The following NUP210L variants were observed in gnomAD, a reference collection of about 807,000 sequenced individuals.
NUP210L encodes nucleoporin 210 like.
A neutral mutation model predicts 208.5 loss-of-function variants in NUP210L; 74 were observed. That is an observed-to-expected ratio of 0.35 (90% CI 0.29 to 0.43). The LOEUF is 0.43. NUP210L is among the 20% of genes least tolerant of loss of function. NUP210L has a pLI of 1.00. For missense variants in NUP210L, 1,843 were observed against 2,289.4 expected (o/e 0.81, Z 3.98); for synonymous variants, 780 against 816.9 (o/e 0.95, Z 0.77).
intron 6 of NUP210L, among the ~76,000 whole-genome samples, chr1:154,136,823 G>A (rs903544648): frequency 5.5e-5 from 8 of 146,446 alleles, no homozygotes; most frequent in South Asian, 4.4e-4. Flanking sequence ...GGGAGGCTGC[G>A]GCAGGAGAAT....
Position 154,025,527 on chromosome 1 carries a change from A to AG in NUP210L, c.4122+14dup. The AG allele has an allele frequency of 6.9e-7, 1 of 1,450,968 alleles. No homozygotes were observed. Among genetic ancestry groups the AG allele is most frequent in the Non-Finnish European group, 9.2e-7 (1 of 1,087,990 alleles). The allele number at this position is 1,450,968 out of a possible 1,614,324, so 89.9% of individuals were successfully genotyped here. ...TTTTATTTATTTGTTTTTTTTAGTA[A>AG]GTCCATGAACTCACCTGGACCCCAG... On this transcript the variant is annotated intron_variant, in intron 30 of 39. Transcript: ENST00000368559.
chr1:154,009,944 G>C (rs200886874), intron 35 of NUP210L, 28 bp downstream of exon 35: 21 of 1,569,636 alleles, frequency 1.3e-5, no homozygotes, highest in African/African-American at 2.7e-5. Flanking sequence ...ACAGAATGGG[G>C]AAACCAGATT....
At chr1:154,002,377 G>C (rs983983733) in intron 35 of NUP210L, among the ~76,000 whole-genome samples, 5 of 152,008 alleles carry the variant, frequency 3.3e-5, no homozygotes, top group African/African-American at 1.2e-4. Context: ...ACTGTGCCTG[G>C]CTAATTTTTG....
chr1:154,036,518 C>T (rs1415433357), intron 27 of NUP210L, among the ~76,000 whole-genome samples: 1 of 149,422 alleles, frequency 6.7e-6, no homozygotes, highest in Admixed American at 6.8e-5. Context: ...GTGCCCACCA[C>T]CGTGCCCAGC....
At chr1:154,107,473 C>CA (rs60482405) in intron 12 of NUP210L, among the ~76,000 whole-genome samples, 33,113 of 94,896 alleles carry the variant, frequency 0.35, 4,276 homozygotes, top group Admixed American at 0.46. Flanking sequence ...GACTCCGTCT[C>CA]AAAAAAAAAA....
chr1:154,129,250 C>T (rs1356482983), intron 8 of NUP210L, 27 bp downstream of exon 8: 3 of 1,428,692 alleles, frequency 2.1e-6, no homozygotes, highest in Admixed American at 3.7e-5. Flanking sequence ...AGCTATCCAC[C>T]TTTCTGAAAA....
chr1:154,149,659 T>C (rs1036221393), intron 2 of NUP210L, among the ~76,000 whole-genome samples: 1 of 152,100 alleles, frequency 6.6e-6, no homozygotes, highest in Non-Finnish European at 1.5e-5. Context: ...CAATGAGCCA[T>C]GTTTGTGCCA....
At chr1:154,141,447 GTTC>G (rs761980645) in exon 4 of NUP210L, 2 of 1,605,916 alleles carry the variant, frequency 1.2e-6, no homozygotes, top group Non-Finnish European at 1.7e-6. Flanking sequence ...TTGCTAGACA[GTTC>G]TTCTCTTGCT....
intron 17 of NUP210L, among the ~76,000 whole-genome samples, chr1:154,062,875 T>C (rs1419012247): frequency 6.6e-6 from 1 of 152,094 alleles, no homozygotes; most frequent in Non-Finnish European, 1.5e-5. Flanking sequence ...CTACTGCACA[T>C]GGCCTTTTTT....
intron 13 of NUP210L, among the ~76,000 whole-genome samples, chr1:154,100,515 GTTTTTT>G (rs59904207): frequency 1.9e-5 from 1 of 53,344 alleles, no homozygotes; most frequent in Non-Finnish European, 3.5e-5. Flanking sequence ...TTTTGGCTTT[GTTTTTT>G]TTTTTTTTTT....
chr1:154,149,046 A>G (rs1162904547), intron 2 of NUP210L, among the ~76,000 whole-genome samples: 3 of 151,322 alleles, frequency 2.0e-5, no homozygotes, highest in East Asian at 3.9e-4. Flanking sequence ...TTGTGCACAC[A>G]ATGCTTACTC....
At chr1:154,150,916 T>C (rs1659350719) in intron 2 of NUP210L, among the ~76,000 whole-genome samples, 1 of 152,092 alleles carries the variant, frequency 6.6e-6, no homozygotes, top group East Asian at 1.9e-4. Flanking sequence ...CTTGCTCCCA[T>C]TCAGATGCTC....
At position 154,140,666 on chromosome 1, in the gene NUP210L, C is replaced by CAA. The variant is rs1434093544; in HGVS notation, c.567-716_567-715dup. Among the ~76,000 whole-genome samples the CAA allele has an allele frequency of 2.8e-4, 29 of 102,454 alleles. 2 individuals carry two copies. In the South Asian group the frequency reaches 4.8e-3, roughly 17 times the overall value. 67.2% of individuals were successfully genotyped at this position (102,454 alleles called of 152,430 possible). On this transcript the variant is annotated intron_variant, in intron 4 of 39. Coordinates refer to ENST00000368559, the Ensembl canonical transcript of NUP210L. ...TGAGTGACAGAGCAAGACTCCATCTCAAAAAAAAAAACAGAAAAAGAAAAG... is the reference window on the plus strand; with the variant it reads ...TGAGTGACAGAGCAAGACTCCATCTCAAAAAAAAAAAAACAGAAAAAGAAAAG...
At chr1:154,114,919 C>T (rs549467869) in intron 12 of NUP210L, among the ~76,000 whole-genome samples, 101 of 151,150 alleles carry the variant, frequency 6.7e-4, no homozygotes, top group African/African-American at 2.3e-3. Context: ...CTATCCACCC[C>T]GCTGGCAAAG....
intron 10 of NUP210L, among the ~76,000 whole-genome samples, chr1:154,120,684 A>G (rs1427157067): frequency 4.0e-5 from 6 of 151,642 alleles, no homozygotes; most frequent in Non-Finnish European, 8.8e-5. Flanking sequence ...TCATGAGGTC[A>G]GGAGTTTGAG....
rs556122786 is a variant in NUP210L at position 154,072,967 on chromosome 1, CAGTAG to C, written c.2362-2507_2362-2503del. ...GCTTTTGCGCAGCAAAAGGAACAGT[CAGTAG>C]AGTAAACAGACAACCCACAGAGTGG... On this transcript the variant is annotated intron_variant, in intron 16 of 39. Coordinates refer to ENST00000368559, the Ensembl canonical transcript of NUP210L. 2.2e-3 allele frequency among the ~76,000 whole-genome samples: 328 copies of C among 152,306 alleles called. 2 individuals carry two copies. Among genetic ancestry groups the C allele is most frequent in the Non-Finnish European group, 3.6e-3 (243 of 68,038 alleles).
chr1:154,110,740 T>C (rs1656996723), intron 12 of NUP210L, among the ~76,000 whole-genome samples: 1 of 151,232 alleles, frequency 6.6e-6, no homozygotes, highest in Non-Finnish European at 1.5e-5. Flanking sequence ...TCAGCTGGCG[T>C]GGTGGTGTTC....
rs564282568 is a variant in NUP210L at position 154,066,985 on chromosome 1, G to A, written c.2554+3288C>T. The stretch of plus-strand genomic sequence containing the variant: ...AACCAAAAAAAGTCCAGGACCAGAC[G>A]GATTCACAGCTGAATTCTACCAGAG... On this transcript the variant is annotated intron_variant, in intron 17 of 39. Coordinates refer to ENST00000368559, the Ensembl canonical transcript of NUP210L. Among the ~76,000 whole-genome samples the A allele has an allele frequency of 1.2e-3, 186 of 152,192 alleles. 1 individual carries two copies. Among genetic ancestry groups the A allele is most frequent in the African/African-American group, 4.3e-3 (177 of 41,528 alleles).
intron 27 of NUP210L, among the ~76,000 whole-genome samples, chr1:154,041,657 A>C (rs1181919339): frequency 1.3e-5 from 2 of 151,846 alleles, no homozygotes; most frequent in Non-Finnish European, 2.9e-5. Context: ...AAAAAAAAAG[A>C]AAAGAAAAGA....
Sources: gnomAD v4.1 joint callset for allele counts (sites outside exome capture counted in the v4.1 genomes callset) on GRCh38, gnomAD v4.1.1 for gene constraint, MANE v1.5 for transcripts, NCBI Gene and HGNC (gene_info 2026-07-23, HGNC 2026-07-21) for gene names.